The following MYH6 variants were observed in gnomAD, a reference collection of about 807,000 sequenced individuals.
MYH6 encodes myosin heavy chain 6.
Under a neutral mutation model 223.2 loss-of-function variants are expected in MYH6, and 126 were observed. That is an observed-to-expected ratio of 0.56 (90% confidence interval 0.49 to 0.65). The LOEUF is 0.65. Among genes scored for constraint, MYH6 ranks in the 30% least tolerant of loss-of-function variants. MYH6 has a pLI of 0.00. For synonymous variants in MYH6, 978 were observed against 1,010.2 expected (o/e 0.97, Z 0.61); for missense variants, 2,040 against 2,536.4 (o/e 0.80, Z 4.20).
In MYH6 at chr14:23,387,930, G is replaced by A. The variant is rs58949384; in HGVS notation, c.4360-7C>T. The A allele has an allele frequency of 2.0e-3, 3,252 of 1,613,034 alleles. 65 individuals are homozygous for A. In the African/African-American group the frequency reaches 0.037, roughly 18 times the overall value. On this transcript the variant is annotated splice_region_variant and splice_polypyrimidine_tract_variant and intron_variant, in intron 30 of 38. Coordinates refer to ENST00000405093, the MANE Select transcript of MYH6 (RefSeq NM_002471.4). Reference sequence around the variant, plus strand: ...GCTTCCACTCGGCCAGGATCTGCCCGGGGACAAGGCTCACTCTTCAGCCCC... The same window carrying A: ...GCTTCCACTCGGCCAGGATCTGCCCAGGGACAAGGCTCACTCTTCAGCCCC...
chr14:23,399,186 G>A (rs1437407628), intron 14 of MYH6, 149 bp from the exon 15 acceptor site: 34 of 975,218 alleles, frequency 3.5e-5, no homozygotes, highest in Non-Finnish European at 4.7e-5. Context: ...CCCTAAAACA[G>A]GAAGCCAATA....
chr14:23,396,147 A>G, intron 20 of MYH6, 137 bp downstream of exon 20: 3 of 1,029,492 alleles, frequency 2.9e-6, no homozygotes, highest in South Asian at 1.4e-5. Flanking sequence ...AGAATTTGCA[A>G]TGAGATTCGA....
intron 25 of MYH6, among the ~76,000 whole-genome samples, chr14:23,392,056 G>A (rs919658705): frequency 1.3e-5 from 2 of 152,194 alleles, no homozygotes; most frequent in Non-Finnish European, 2.9e-5. Flanking sequence ...AAGAGAATCT[G>A]AGGATCAGGG....
In MYH6 at chr14:23,407,063, C is replaced by T. The variant is rs727503239; in HGVS notation, c.161G>A (p.Arg54Gln). Residue 54 changes from arginine to glutamine, a missense_variant, in exon 3 of 39, where the codon CGG (arginine) becomes CAG (glutamine). By Grantham distance (43) the Arg-to-Gln change is conservative (BLOSUM62 1). This residue lies in a region of MYH6 where 184 missense variants were observed against 232.4 expected (regional missense o/e 0.79). Transcript: ENST00000405093. The surrounding 1 kb of genome is among the most constrained non-coding windows in gnomAD (Gnocchi z 5.6). ...EEFVKAKILS[R>Q]EGGKVIAETE... The stretch of plus-strand genomic sequence containing the variant: ...TTCAGCAATGACCTTGCCTCCCTCC[C>T]GGGACAAAATCTTGGCTTTGACAAA... 6.6e-5 allele frequency: 106 copies of T among 1,614,220 alleles called. 1 individual carries two copies. Among genetic ancestry groups the T allele is most frequent in the Middle Eastern group, 1.6e-4 (1 of 6,062 alleles).
chr14:23,396,177 C>T, intron 20 of MYH6, 107 bp downstream of exon 20: 2 of 1,457,866 alleles, frequency 1.4e-6, no homozygotes, highest in Non-Finnish European at 1.9e-6. Context: ...GTAACTTGCC[C>T]AGGCCAGCTG....
At chr14:23,397,392 A>T in intron 16 of MYH6, 135 bp from the exon 17 acceptor site, 2 of 1,261,958 alleles carry the variant, frequency 1.6e-6, no homozygotes, top group Non-Finnish European at 1.2e-6. Flanking sequence ...ACGTGAGTTC[A>T]GGCTTTTGTG....
At position 23,390,437 on chromosome 14, in the gene MYH6, C is replaced by T. The variant is rs750174797; in HGVS notation, c.3352G>A (p.Glu1118Lys). The T allele has an allele frequency of 1.4e-5, 23 of 1,612,580 alleles. No homozygotes were observed. The highest frequency in any genetic ancestry group is 1.7e-4 in the Middle Eastern group (1 of 6,052). Residue 1118 changes from glutamate (E) to lysine (K), a missense_variant, in exon 26 of 39, where the codon GAG becomes AAG. Glu to Lys is a moderately conservative substitution (Grantham distance 56). Transcript: ENST00000405093. ...KKLKENQARIEELEEELEAER... is the reference protein window; with the variant it reads ...KKLKENQARIKELEEELEAER... ...GCCTCCAGCTCCTCCTCCAGCTCCT[C>T]GATGCGTGCCTGGGTCAGACACAAA...
Position 23,394,139 on chromosome 14 carries a change from G to A in MYH6, c.2614C>T (p.Arg872Cys), listed in dbSNP as rs201193346. 4.7e-4 allele frequency: 752 copies of A among 1,614,172 alleles called. 1 individual carries two copies. The highest frequency in any genetic ancestry group is 9.2e-4 in the South Asian group (84 of 91,086). The change falls in exon 21 of 39, where the codon CGC (arginine) becomes TGC (cysteine). Residue 872 changes from arginine to cysteine, a missense_variant. By Grantham distance (180) the Arg-to-Cys change is radical (BLOSUM62 -3). Around this residue, in one of 4 missense-constraint regions of MYH6, gnomAD observed 1,203 missense variants for 1,400.2 expected, o/e 0.86. Transcript: ENST00000405093. ...KETLEKSEAR[R>C]KELEEKMVSL... ...ACCATCTTCTCCTCCAGCTCCTTGC[G>A]GCGAGCCTCGGACTTCTCCAGCGTC...
At chr14:23,387,397 G>T in intron 32 of MYH6, 132 bp downstream of exon 32, 1 of 1,419,180 alleles carries the variant, frequency 7.0e-7, no homozygotes. Flanking sequence ...AGTGAATAGT[G>T]GGTAGATAAT....
Position 23,396,296 on chromosome 14 carries a change from ATCT to A in MYH6, c.2414_2416del (p.Lys805del). Reference sequence around the variant, plus strand: ...CCTCCTGTCTCACCTGCGTTCCACTATCTTCTTGAACTCAATGCGCATGAGCTG... The same window carrying A: ...CCTCCTGTCTCACCTGCGTTCCACTATCTTGAACTCAATGCGCATGAGCTG... On this transcript the variant is annotated inframe_deletion, in exon 20 of 39. Coordinates refer to ENST00000405093, the MANE Select transcript of MYH6 (RefSeq NM_002471.4). 1 of 1,614,082 alleles carries A rather than the reference ATCT, an allele frequency of 6.2e-7. No individual in the cohort carries two copies. Among genetic ancestry groups the A allele is most frequent in the South Asian group, 1.1e-5 (1 of 91,078 alleles).
At chr14:23,404,213 A>C in intron 8 of MYH6, 83 bp downstream of exon 8, 1 of 1,469,510 alleles carries the variant, frequency 6.8e-7, no homozygotes, top group African/African-American at 1.4e-5. Flanking sequence ...GATACAGTAC[A>C]ATCAACTGGG....
At chr14:23,386,673 G>T in intron 32 of MYH6, 50 bp from the exon 33 acceptor site, 1 of 1,559,822 alleles carries the variant, frequency 6.4e-7, no homozygotes, top group South Asian at 1.2e-5. Flanking sequence ...GGGCAGGGTT[G>T]AGAGGGAGGA....
intron 25 of MYH6, 47 bp downstream of exon 25, chr14:23,392,515 T>A: frequency 2.2e-6 from 3 of 1,372,958 alleles, no homozygotes; most frequent in Non-Finnish European, 3.1e-6. Flanking sequence ...CTCAGTTACC[T>A]CAGGGCTATT....
rs908733511 is a variant in MYH6, at chr14:23,402,527, A to G, written c.1078T>C (p.Tyr360His). The G allele has an allele frequency of 5.6e-6, 9 of 1,613,656 alleles. No individual in the cohort carries two copies. In the African/African-American group the frequency reaches 1.1e-4, roughly 19 times the overall value. ...TTCTGCTTGAACTTCATGTTCCCGT[A>G]GTGCATGATGGCTCCCGTCAGCTTG... ...VYKLTGAIMH[Y>H]GNMKFKQKQR... Residue 360 changes from tyrosine (Y) to histidine (H), a missense_variant, in exon 12 of 39, where the codon TAC becomes CAC. Coordinates refer to ENST00000405093, the MANE Select transcript of MYH6 (RefSeq NM_002471.4).
chr14:23,400,156 G>C (rs1237555883), intron 14 of MYH6, 100 bp downstream of exon 14: 1 of 1,573,802 alleles, frequency 6.4e-7, no homozygotes, highest in Non-Finnish European at 8.7e-7. Context: ...AAAGGCCTGG[G>C]ATTCTTGGGA....
intron 23 of MYH6, 124 bp downstream of exon 23, chr14:23,393,218 C>T (rs1731081547): frequency 2.7e-6 from 4 of 1,484,256 alleles, no homozygotes; most frequent in Middle Eastern, 1.7e-4. Flanking sequence ...TAGTGAGGAA[C>T]TACAGAGAGC....
chr14:23,392,887 C>T (rs767534072), intron 24 of MYH6, 25 bp downstream of exon 24: 1 of 1,612,318 alleles, frequency 6.2e-7, no homozygotes, highest in East Asian at 2.2e-5. Flanking sequence ...TCCATTAGCC[C>T]CTCCTGGCCA....
rs1891363014 is a variant in MYH6 at position 23,395,435 on chromosome 14, GC to G, written c.2429+848del. Among the ~76,000 whole-genome samples, 3 of 152,192 alleles carry G rather than the reference GC, an allele frequency of 2.0e-5. No homozygotes were observed. In the South Asian group the frequency reaches 6.2e-4, roughly 31 times the overall value. ...GATCTTTGCTATTATGACCAATGCTGCTAAAAGATTATTTTTCATGTCATGG... is the reference window on the plus strand; with the variant it reads ...GATCTTTGCTATTATGACCAATGCTGTAAAAGATTATTTTTCATGTCATGG... On this transcript the variant is annotated intron_variant, in intron 20 of 38. Transcript: ENST00000405093.
In MYH6 at chr14:23,390,162, G is replaced by A. The variant is rs147871745; in HGVS notation, c.3627C>T (p.Ile1209=). 2,681 of 1,609,528 alleles carry A rather than the reference G, an allele frequency of 1.7e-3. 44 individuals carry two copies. The African/African-American group carries it at 0.03, about 18-fold the overall frequency. ...TCTGCTTCACCCGCTGCAGGTTGTC[G>A]ATCTGCTCGCCCAGCTCGGCCACGC... ...ADSVAELGEQ[I]DNLQRVKQKL... is the part of the protein sequence containing the mutation. Residue 1209 remains isoleucine, a synonymous_variant, in exon 26 of 39, where the codon ATC becomes ATT. Coordinates refer to ENST00000405093, the MANE Select transcript of MYH6 (RefSeq NM_002471.4).
Sources: gnomAD v4.1 joint callset for allele counts (sites outside exome capture counted in the v4.1 genomes callset) on GRCh38, gnomAD v4.1.1 for gene constraint, gnomAD v4.1.1 regional missense constraint, Gnocchi (gnomAD v3.1) non-coding constraint, MANE v1.5 for transcripts, NCBI Gene and HGNC (gene_info 2026-07-23, HGNC 2026-07-21) for gene names.